Variants in ST8SIA2 observed in about 807,000 individuals in gnomAD.
ST8SIA2 encodes the protein ST8 alpha-N-acetyl-neuraminide alpha-2,8-sialyltransferase 2.
A neutral mutation model predicts 37.6 loss-of-function variants in ST8SIA2; 22 were observed. That is an observed-to-expected ratio of 0.58 (90% CI 0.42 to 0.83). ST8SIA2 has a LOEUF of 0.83. ST8SIA2 is among the 40% of genes least tolerant of loss of function. The pLI, the probability that ST8SIA2 is intolerant of heterozygous loss-of-function variation, is 0.00. For missense variants in ST8SIA2, 382 were observed against 484.7 expected (o/e 0.79, Z 1.99); for synonymous variants, 205 against 201.2 (o/e 1.02, Z -0.16).
intron 1 of ST8SIA2, among the ~76,000 whole-genome samples, chr15:92,424,412 A>G (rs1410852489): frequency 6.6e-6 from 1 of 152,126 alleles, no homozygotes; most frequent in East Asian, 1.9e-4. Context: ...AAAATAAACA[A>G]TTGGGCTTGG....
At chr15:92,401,785 T>C (rs901189728) in intron 1 of ST8SIA2, among the ~76,000 whole-genome samples, 2 of 151,862 alleles carry the variant, frequency 1.3e-5, no homozygotes, top group Non-Finnish European at 2.9e-5. Context: ...TTTTTTAAGG[T>C]TCAGGGAAAC....
chr15:92,404,419 G>C (rs190534265), intron 1 of ST8SIA2, among the ~76,000 whole-genome samples: 2 of 152,282 alleles, frequency 1.3e-5, no homozygotes, highest in Admixed American at 6.5e-5. Context: ...TGGTGGGAAT[G>C]TAAAATGGTA....
At chr15:92,457,812 C>T (rs1392930539) in intron 5 of ST8SIA2, among the ~76,000 whole-genome samples, 1 of 152,228 alleles carries the variant, frequency 6.6e-6, no homozygotes, top group Non-Finnish European at 1.5e-5. Flanking sequence ...CCCGTGGAGG[C>T]AGAATCGGAA....
chr15:92,468,079 A>T lies in ST8SIA2; in HGVS notation c.*3694A>T, dbSNP rs1271025741. The stretch of plus-strand genomic sequence containing the variant: ...TATTCTTCCCTGTCCTGCCTTGCTA[A>T]TTCTTCCCACTAGCACTAATCTCGA... On this transcript the variant is annotated 3_prime_UTR_variant, in exon 6 of 6. Coordinates refer to ENST00000268164, the MANE Select transcript of ST8SIA2 (RefSeq NM_006011.4). The T allele has an allele frequency of 6.6e-6, 1 of 152,150 alleles. No homozygotes were observed. The highest frequency in any genetic ancestry group is 1.5e-5 in the Non-Finnish European group (1 of 68,000). The allele number at this position is 152,150 out of a possible 1,614,324, so 9.4% of individuals were successfully genotyped here. A position where few individuals can be genotyped will look rare whatever the true frequency, so the allele number is the denominator to read the frequency against.
chr15:92,414,516 C>G (rs1410986786), intron 1 of ST8SIA2, among the ~76,000 whole-genome samples: 1 of 152,226 alleles, frequency 6.6e-6, no homozygotes, highest in East Asian at 1.9e-4. Flanking sequence ...CTAGAGCTCC[C>G]TCCTCACTGT....
intron 1 of ST8SIA2, among the ~76,000 whole-genome samples, chr15:92,410,042 C>T (rs2049538190): frequency 6.6e-6 from 1 of 152,214 alleles, no homozygotes. Flanking sequence ...GATTTGCCAC[C>T]ACCAGGCCAT....
At chr15:92,412,227 A>T (rs2049554759) in intron 1 of ST8SIA2, among the ~76,000 whole-genome samples, 1 of 152,110 alleles carries the variant, frequency 6.6e-6, no homozygotes, top group East Asian at 1.9e-4. Context: ...ATAATATTTT[A>T]AAAATAAAAG....
At chr15:92,394,308 C>A (rs1047767869) in intron 1 of ST8SIA2, 146 bp downstream of exon 1, 5 of 786,616 alleles carry the variant, frequency 6.4e-6, no homozygotes, top group African/African-American at 1.7e-5. Flanking sequence ...CAGAAGGTGG[C>A]GGCGACAGGG....
At chr15:92,436,686 G>C (rs2049760701) in intron 3 of ST8SIA2, among the ~76,000 whole-genome samples, 1 of 151,972 alleles carries the variant, frequency 6.6e-6, no homozygotes, top group African/African-American at 2.4e-5. Flanking sequence ...TATAATCCTT[G>C]GTAAAGCACA....
At chr15:92,432,846 C>G (rs1478475437) in intron 2 of ST8SIA2, among the ~76,000 whole-genome samples, 4 of 152,142 alleles carry the variant, frequency 2.6e-5, no homozygotes, top group Admixed American at 6.5e-5. Flanking sequence ...AAAAGTCAAA[C>G]TAGGGCCAAG....
At chr15:92,424,616 C>CT (rs1194844376) in intron 1 of ST8SIA2, among the ~76,000 whole-genome samples, 6,132 of 140,994 alleles carry the variant, frequency 0.043, 197 homozygotes, top group African/African-American at 0.093. Context: ...GTTTGACATT[C>CT]TTTTTTTTTT....
chr15:92,454,557 C>A (rs557026572), intron 5 of ST8SIA2, among the ~76,000 whole-genome samples: 10 of 152,114 alleles, frequency 6.6e-5, no homozygotes, highest in South Asian at 6.2e-4. Context: ...GTCTCTGCCC[C>A]CACAGTGGAC....
chr15:92,402,362 A>C (rs902641600), intron 1 of ST8SIA2, among the ~76,000 whole-genome samples: 1 of 152,186 alleles, frequency 6.6e-6, no homozygotes, highest in Non-Finnish European at 1.5e-5. Flanking sequence ...CAACAGTCTG[A>C]GGAGGTCTAT....
At chr15:92,425,565 G>A (rs764572731) in intron 1 of ST8SIA2, among the ~76,000 whole-genome samples, 26 of 152,202 alleles carry the variant, frequency 1.7e-4, no homozygotes, top group African/African-American at 3.9e-4. Flanking sequence ...TGACTGCCAC[G>A]AAGAAGATAG....
chr15:92,401,911 G>GAA (rs35704397), intron 1 of ST8SIA2, among the ~76,000 whole-genome samples: 7 of 140,554 alleles, frequency 5.0e-5, no homozygotes, highest in African/African-American at 8.0e-5. Context: ...AAAGGAGCCA[G>GAA]AAAAAAAAAA....
intron 1 of ST8SIA2, among the ~76,000 whole-genome samples, chr15:92,405,569 T>G (rs2049502710): frequency 6.6e-6 from 1 of 152,214 alleles, no homozygotes. Flanking sequence ...ACTGACTTAT[T>G]TTAAGAGCAC....
chr15:92,455,766 A>C (rs758842623), intron 5 of ST8SIA2, among the ~76,000 whole-genome samples: 8 of 152,208 alleles, frequency 5.3e-5, no homozygotes, highest in Non-Finnish European at 1.2e-4. Flanking sequence ...ACATATGCAC[A>C]TCTATAGGTT....
At position 92,394,070 on chromosome 15, in the gene ST8SIA2, G is replaced by A; in HGVS notation, c.6G>A (p.Gln2=). ...CCGGCGGGCGCGAACCCACCATGCA[G>A]CTGCAGTTCCGGAGCTGGATGCTGG... is the stretch of plus-strand genomic sequence containing the variant. M[Q]LQFRSWMLAA... The change falls in exon 1 of 6, where the codon CAG becomes CAA. Residue 2 remains glutamine (Q), a synonymous_variant. Coordinates refer to ENST00000268164, the MANE Select transcript of ST8SIA2 (RefSeq NM_006011.4). 1 of 1,552,050 alleles carries A rather than the reference G, an allele frequency of 6.4e-7. No homozygotes were observed. Among genetic ancestry groups the A allele is most frequent in the Non-Finnish European group, 8.7e-7 (1 of 1,147,204 alleles).
chr15:92,444,557 G>T lies in ST8SIA2; in HGVS notation c.549-79G>T, dbSNP rs189039319. On this transcript the variant is annotated intron_variant, in intron 4 of 5. Transcript: ENST00000268164. ...GGGGATGAGAAAGAAGCAAGGAGAG[G>T]CAAAGGATGGGATCGAGTTAAACAG... The T allele has an allele frequency of 9.7e-5, 153 of 1,581,612 alleles. No individual in the cohort carries two copies. The Admixed American group carries it at 2.5e-3, about 26-fold the overall frequency.
Sources: allele counts gnomAD v4.1 joint callset (sites outside exome capture counted in the v4.1 genomes callset), GRCh38; gene constraint gnomAD v4.1.1; transcripts MANE v1.5; gene names NCBI Gene and HGNC (gene_info 2026-07-23, HGNC 2026-07-21).